Variants in RABGGTA observed in about 807,000 individuals in gnomAD.
RABGGTA encodes the protein Rab geranylgeranyltransferase subunit alpha, also known as geranylgeranyl transferase type-2 subunit alpha.
In RABGGTA, 69 loss-of-function variants were observed where a neutral mutation model predicts 83.3. The ratio of observed to expected loss-of-function variants is 0.83; its 90% CI spans 0.68 to 1.01. RABGGTA has a LOEUF of 1.01. RABGGTA is among the 50% of genes least tolerant of loss of function. The pLI is 0.00. For missense variants in RABGGTA, 681 were observed against 712.7 expected, an observed-to-expected ratio of 0.96 and a Z score of 0.51; for synonymous variants, 310 against 299.8, an observed-to-expected ratio of 1.03 and a Z score of -0.35.
Position 24,270,384 on chromosome 14 carries a change from G to T in RABGGTA, c.189C>A (p.Ala63=). Residue 63 remains alanine (A), a synonymous_variant, in exon 4 of 17, where the codon GCC becomes GCA. Coordinates refer to ENST00000216840, the MANE Select transcript of RABGGTA (RefSeq NM_182836.3). ...SQILGANPDF[A]TLWNCRREVL... ...CCTCTCGTCGGCAGTTCCAGAGGGT[G>T]GCAAAATCAGGGTTGGCTCCCAGAA... The T allele has an allele frequency of 6.2e-7, 1 of 1,613,980 alleles. No individual in the cohort carries two copies. Among genetic ancestry groups the T allele is most frequent in the Non-Finnish European group, 8.5e-7 (1 of 1,179,878 alleles).
rs1361933599 is a variant in RABGGTA, at chr14:24,269,705, G to A, written c.428-11C>T. 6.2e-7 allele frequency: 1 copy of A among 1,613,376 alleles called. No homozygotes were observed. The highest frequency in any genetic ancestry group is 2.2e-5 in the East Asian group (1 of 44,872). On this transcript the variant is annotated splice_polypyrimidine_tract_variant and intron_variant, in intron 5 of 16. Coordinates refer to ENST00000216840, the MANE Select transcript of RABGGTA (RefSeq NM_182836.3). ...AGTCCCAGCAGTGAACTGGAGGGGA[G>A]AGGTGACAGCATATCTTAGAGGCAG...
chr14:24,269,888 C>T (rs2040923481), intron 5 of RABGGTA, 65 bp downstream of exon 5: 1 of 1,563,958 alleles, frequency 6.4e-7, no homozygotes, highest in African/African-American at 1.4e-5. Flanking sequence ...CTGGGCCTTA[C>T]TGAGGCCCCA....
rs1320004045 is a variant in RABGGTA, at chr14:24,269,576, A to G, written c.546T>C (p.His182=). The change falls in exon 6 of 17, where the codon CAT becomes CAC. Residue 182 remains histidine (H), a synonymous_variant. Coordinates refer to ENST00000216840, the MANE Select transcript of RABGGTA (RefSeq NM_182836.3). ...GCTGGGGCAAGAGACAGGAGCGGTA[A>G]TGCCAGGAAGAGTAGTTGGAGAAGT... is the stretch of plus-strand genomic sequence containing the variant. ...TRNFSNYSSW[H]YRSCLLPQLH... 6.2e-7 allele frequency: 1 copy of G among 1,611,870 alleles called. No homozygotes were observed. Among genetic ancestry groups the G allele is most frequent in the African/African-American group, 1.3e-5 (1 of 74,986 alleles).
intron 15 of RABGGTA, 80 bp from the exon 16 acceptor site, chr14:24,266,597 G>C: frequency 7.2e-7 from 1 of 1,396,362 alleles, no homozygotes; most frequent in South Asian, 1.2e-5. Flanking sequence ...TCAGGGTGAC[G>C]GGTCCACAGA....
In RABGGTA at chr14:24,271,496, G is replaced by A; in HGVS notation, c.-64C>T. 1 of 187,934 alleles carries A rather than the reference G, an allele frequency of 5.3e-6. No homozygotes were observed. Among genetic ancestry groups the A allele is most frequent in the Non-Finnish European group, 1.1e-5 (1 of 91,812 alleles). 11.6% of individuals were successfully genotyped at this position (187,934 alleles called of 1,614,324 possible). Reference sequence around the variant, plus strand: ...CCGCGGGCGGACCCACCTGCGCTGGGAGGAGGCGCGGGGGACGCGGAGCTG... The same window carrying A: ...CCGCGGGCGGACCCACCTGCGCTGGAAGGAGGCGCGGGGGACGCGGAGCTG... On this transcript the variant is annotated 5_prime_UTR_variant, in exon 1 of 17. Coordinates refer to ENST00000216840, the MANE Select transcript of RABGGTA (RefSeq NM_182836.3).
chr14:24,266,861 T>C lies in RABGGTA; in HGVS notation c.1382A>G (p.Gln461Arg), dbSNP rs1375960804. 1 of 1,613,866 alleles carries C rather than the reference T, an allele frequency of 6.2e-7. No homozygotes were observed. Residue 461 changes from glutamine (Q) to arginine (R), a missense_variant, in exon 15 of 17, where the codon CAG becomes CGG. Gln to Arg is a conservative substitution (Grantham distance 43). Coordinates refer to ENST00000216840, the MANE Select transcript of RABGGTA (RefSeq NM_182836.3). ...GTCAAGATGGGTGACCAAGAGCAGCTGTTCCAGATGGCAGAGCACTGTCAG... is the reference window on the plus strand; with the variant it reads ...GTCAAGATGGGTGACCAAGAGCAGCCGTTCCAGATGGCAGAGCACTGTCAG... ...KDLTVLCHLE[Q>R]LLLVTHLDLS...
At position 24,268,574 on chromosome 14, in the gene RABGGTA, G is replaced by C; in HGVS notation, c.946C>G (p.His316Asp). The change falls in exon 10 of 17, where the codon CAT (histidine) becomes GAT (aspartate). Residue 316 changes from histidine to aspartate, a missense_variant. Physicochemically the swap from His to Asp is moderately conservative, Grantham distance 81. Coordinates refer to ENST00000216840, the MANE Select transcript of RABGGTA (RefSeq NM_182836.3). ...GCTGTCCAAATGACGCGAAATGTAT[G>C]TTGGGGCAACTGGTCGTTGAGGGAG... ...AASLNDQLPQ[H>D]TFRVIWTAGD... The C allele has an allele frequency of 6.2e-7, 1 of 1,614,046 alleles. No homozygotes were observed. The highest frequency in any genetic ancestry group is 1.7e-5 in the Admixed American group (1 of 60,028).
At chr14:24,268,868 C>T (rs1173041449) in intron 8 of RABGGTA, 42 bp from the exon 9 acceptor site, 1 of 1,567,130 alleles carries the variant, frequency 6.4e-7, no homozygotes, top group Non-Finnish European at 8.7e-7. Flanking sequence ...CAGCACCAGG[C>T]CCACAGTCCC....
At chr14:24,270,730 A>G (rs2040937084) in intron 3 of RABGGTA, 107 bp downstream of exon 3, 3 of 1,452,168 alleles carry the variant, frequency 2.1e-6, no homozygotes, top group Non-Finnish European at 2.8e-6. Context: ...TATAAGTGAG[A>G]TAACCCAGAA....
intron 15 of RABGGTA, 95 bp downstream of exon 15, chr14:24,266,681 G>A: frequency 7.8e-7 from 1 of 1,285,382 alleles, no homozygotes; most frequent in South Asian, 1.2e-5. Flanking sequence ...GGGGTGGAGG[G>A]TCCTGCACAT....
At chr14:24,271,081 C>T in intron 2 of RABGGTA, 32 bp downstream of exon 2, 1 of 1,567,446 alleles carries the variant, frequency 6.4e-7, no homozygotes, top group South Asian at 1.2e-5. Flanking sequence ...CGCGGGCCTG[C>T]GGAGGTGAAG....
chr14:24,266,729 G>A, intron 15 of RABGGTA, 47 bp downstream of exon 15: 1 of 1,520,540 alleles, frequency 6.6e-7, no homozygotes, highest in Non-Finnish European at 9.1e-7. Context: ...GGGAGAGGAA[G>A]AGGAAAAGAA....
chr14:24,269,465 T>C, intron 6 of RABGGTA, 26 bp downstream of exon 6: 1 of 1,538,860 alleles, frequency 6.5e-7, no homozygotes. Context: ...TGCAGAGTCC[T>C]CCTGAGCATC....
At position 24,265,637 on chromosome 14, in the gene RABGGTA, G is replaced by A; in HGVS notation, c.1682C>T (p.Ser561Leu). Residue 561 changes from serine to leucine, a missense_variant, in exon 17 of 17, where the codon TCA becomes TTA. This residue lies in a region of RABGGTA where 421 missense variants were observed against 418.5 expected (regional missense o/e 1.01). Coordinates refer to ENST00000216840, the MANE Select transcript of RABGGTA (RefSeq NM_182836.3). ...CTCTTAGGTGAGGACGCTGCTAACT[G>A]AAGGCAGCAGTTCAGCCAGTTGCTC... ...ILEQLAELLP[S>L]VSSVLT The A allele has an allele frequency of 6.2e-7, 1 of 1,613,748 alleles. No homozygotes were observed.
chr14:24,268,770 C>T lies in RABGGTA; in HGVS notation c.855G>A (p.Val285=). Residue 285 remains valine, a synonymous_variant, in exon 9 of 17, where the codon GTG becomes GTA. Coordinates refer to ENST00000216840, the MANE Select transcript of RABGGTA (RefSeq NM_182836.3). ...LLMVDDSPLI[V]EWRTPDGRNR... is the part of the protein sequence containing the mutation. ...TCCTGCCATCTGGGGTCCTCCACTC[C>T]ACAATCAGGGGAGAATCATCAACCA... 6.3e-7 allele frequency: 1 copy of T among 1,581,278 alleles called. No homozygotes were observed. Among genetic ancestry groups the T allele is most frequent in the Non-Finnish European group, 8.6e-7 (1 of 1,163,724 alleles).
chr14:24,266,997 G>A (rs541320456), intron 14 of RABGGTA, 108 bp from the exon 15 acceptor site: 2 of 785,164 alleles, frequency 2.5e-6, no homozygotes, highest in African/African-American at 3.4e-5. Context: ...ACAGGCCCTT[G>A]GGGACCCCAG....
intron 14 of RABGGTA, 61 bp from the exon 15 acceptor site, chr14:24,266,950 C>T (rs921649112): frequency 2.3e-5 from 30 of 1,319,406 alleles, no homozygotes; most frequent in Admixed American, 3.4e-5. Context: ...AGAGGGTCCT[C>T]GGCCAGCATT....
rs1287024122 is a variant in RABGGTA, at chr14:24,270,821, C to A, written c.114+16G>T. 11 of 1,611,988 alleles carry A rather than the reference C, an allele frequency of 6.8e-6. No individual in the cohort carries two copies. Among genetic ancestry groups the A allele is most frequent in the Non-Finnish European group, 9.3e-6 (11 of 1,178,998 alleles). ...AGGGAGCTACTTGGGGTCGGGGCTA[C>A]CTCTGAGGGCCCCACCTTCTGGAAT... On this transcript the variant is annotated intron_variant, in intron 3 of 16. Transcript: ENST00000216840.
rs1226988098 is a variant in RABGGTA, at chr14:24,269,990, C to T, written c.390G>A (p.Glu130=). 6.2e-7 allele frequency: 1 copy of T among 1,613,636 alleles called. No homozygotes were observed. The highest frequency in any genetic ancestry group is 1.3e-5 in the African/African-American group (1 of 74,934). Residue 130 remains glutamate, a synonymous_variant, in exon 5 of 17, where the codon GAG becomes GAA. Coordinates refer to ENST00000216840, the MANE Select transcript of RABGGTA (RefSeq NM_182836.3). ...LPEPNWTREL[E]LCARFLEVDE... is the part of the protein sequence containing the mutation. Reference sequence around the variant, plus strand: ...CCACCTCCAGGAAACGGGCACAGAGCTCCAGCTCTCGGGTCCAGTTGGGCT... The same window carrying T: ...CCACCTCCAGGAAACGGGCACAGAGTTCCAGCTCTCGGGTCCAGTTGGGCT...
Sources: allele counts gnomAD v4.1 joint callset, GRCh38; gene constraint gnomAD v4.1.1; regional missense constraint gnomAD v4.1.1; transcripts MANE v1.5; gene names NCBI Gene and HGNC (gene_info 2026-07-23, HGNC 2026-07-21).